The following COL24A1 variants were observed in gnomAD, a reference collection of about 807,000 sequenced individuals.
The protein encoded by COL24A1 is collagen alpha-1(XXIV) chain.
COL24A1 carries 224 observed loss-of-function variants against 253.9 expected under a neutral mutation model. That is an observed-to-expected ratio of 0.88 (90% CI 0.79 to 0.99). The LOEUF is 0.99. Among genes scored for constraint, COL24A1 ranks in the 50% least tolerant of loss-of-function variants. The probability of loss-of-function intolerance (pLI) is 0.00; values close to 1 mark genes in which losing one functional copy is unlikely to be tolerated. For missense variants in COL24A1, 2,131 were observed against 2,068.5 expected, an observed-to-expected ratio of 1.03 and a Z score of -0.59; for synonymous variants, 685 against 673.7, an observed-to-expected ratio of 1.02 and a Z score of -0.26.
At chr1:86,039,978 AGGTTTGGCCCAATTCATGGG>A (rs1396002636) in intron 12 of COL24A1, among the ~76,000 whole-genome samples, 1 of 152,174 alleles carries the variant, frequency 6.6e-6, no homozygotes, top group African/African-American at 2.4e-5. Flanking sequence ...AAACATGAGT[AGGTTTGGCCCAATTCATGGG>A]GGTTTGGCCC....
At chr1:85,762,852 C>T (rs1666977026) in intron 53 of COL24A1, among the ~76,000 whole-genome samples, 1 of 152,126 alleles carries the variant, frequency 6.6e-6, no homozygotes. Context: ...AGGAATTTAT[C>T]ATAGAAAAAT....
Position 85,911,449 on chromosome 1 carries a change from A to T in COL24A1, c.2563-16T>A. On this transcript the variant is annotated splice_polypyrimidine_tract_variant and intron_variant, in intron 24 of 59. Coordinates refer to ENST00000370571, the MANE Select transcript of COL24A1 (RefSeq NM_152890.7). The stretch of plus-strand genomic sequence containing the variant: ...CAACAGGTCCCTTTTAGGAAAAAAA[A>T]ATAACAGAAAATACACACATATTGT... 5.0e-6 allele frequency: 8 copies of T among 1,600,648 alleles called. No homozygotes were observed. The highest frequency in any genetic ancestry group is 6.8e-6 in the Non-Finnish European group (8 of 1,168,554).
intron 47 of COL24A1, among the ~76,000 whole-genome samples, chr1:85,801,379 C>A (rs1438764193): frequency 6.6e-6 from 1 of 152,190 alleles, no homozygotes; most frequent in Non-Finnish European, 1.5e-5. Context: ...CAGTGTGATG[C>A]ACCACTAGGA....
chr1:86,114,710 A>C (rs1705954847), intron 4 of COL24A1, among the ~76,000 whole-genome samples: 1 of 152,258 alleles, frequency 6.6e-6, no homozygotes, highest in Admixed American at 6.5e-5. Flanking sequence ...GAATAAAAAT[A>C]AAGTGGATTA....
chr1:85,762,528 AATT>A (rs1666940943), intron 53 of COL24A1, among the ~76,000 whole-genome samples: 1 of 152,190 alleles, frequency 6.6e-6, no homozygotes, highest in Non-Finnish European at 1.5e-5. Context: ...AATACCAGTT[AATT>A]TTAATACTAG....
chr1:86,013,697 G>T (rs1161772511), intron 19 of COL24A1, among the ~76,000 whole-genome samples: 4 of 152,070 alleles, frequency 2.6e-5, no homozygotes, highest in African/African-American at 4.8e-5. Flanking sequence ...TTAGCCAGGT[G>T]TGGTGGCAGG....
rs189282083 is a variant in COL24A1 at position 85,950,912 on chromosome 1, A to C, written c.2562+10337T>G. The stretch of plus-strand genomic sequence containing the variant: ...GTAGAAGCCAGGTGAGCTGTGACTC[A>C]TTGTGCCTTACCTACCTCCAGCTAT... On this transcript the variant is annotated intron_variant, in intron 24 of 59. Transcript: ENST00000370571. Among the ~76,000 whole-genome samples, 5 of 152,334 alleles carry C rather than the reference A, an allele frequency of 3.3e-5. No homozygotes were observed. The East Asian group carries it at 9.7e-4, about 29-fold the overall frequency.
intron 28 of COL24A1, among the ~76,000 whole-genome samples, chr1:85,897,420 A>G (rs1040929035): frequency 1.8e-4 from 26 of 146,442 alleles, no homozygotes; most frequent in African/African-American, 7.1e-4. Context: ...AAAATTGAAG[A>G]AAAAAAAAGA....
Position 86,146,141 on chromosome 1 carries a change from C to T in COL24A1, c.99G>A (p.Val33=), listed in dbSNP as rs770391368. 6.2e-7 allele frequency: 1 copy of T among 1,610,726 alleles called. No individual in the cohort carries two copies. Among genetic ancestry groups the T allele is most frequent in the South Asian group, 1.1e-5 (1 of 90,342 alleles). The stretch of plus-strand genomic sequence containing the variant: ...TACCTTGTTCTTGTGCATGAACAAC[C>T]ACCCCAGCCACACATAGTACAATAA... The part of the protein sequence containing the change: ...LHFIVLCVAG[V]VVHAQEQGID... The change falls in exon 2 of 60, where the codon GTG becomes GTA. Residue 33 remains valine, a synonymous_variant. Coordinates refer to ENST00000370571, the MANE Select transcript of COL24A1 (RefSeq NM_152890.7).
intron 43 of COL24A1, among the ~76,000 whole-genome samples, chr1:85,830,456 T>C (rs906021623): frequency 3.9e-5 from 6 of 152,118 alleles, no homozygotes; most frequent in Admixed American, 1.3e-4. Context: ...CCACCCAGTT[T>C]GAGCTTCCCG....
chr1:85,795,219 T>C (rs1670683121), intron 47 of COL24A1, among the ~76,000 whole-genome samples: 1 of 152,200 alleles, frequency 6.6e-6, no homozygotes, highest in African/African-American at 2.4e-5. Context: ...GCCTTCATTT[T>C]AGAACTGAAT....
At chr1:85,922,644 T>C (rs1686651816) in intron 24 of COL24A1, among the ~76,000 whole-genome samples, 1 of 152,182 alleles carries the variant, frequency 6.6e-6, no homozygotes, top group Non-Finnish European at 1.5e-5. Context: ...CCACCAGGCC[T>C]GTCTTACAAG....
At chr1:85,904,681 A>C (rs1462615217) in intron 28 of COL24A1, among the ~76,000 whole-genome samples, 4 of 152,126 alleles carry the variant, frequency 2.6e-5, no homozygotes, top group African/African-American at 9.7e-5. Context: ...TGTAAGAATG[A>C]TATTTTTAGT....
intron 37 of COL24A1, among the ~76,000 whole-genome samples, chr1:85,849,969 A>G (rs767388221): frequency 3.1e-4 from 47 of 152,262 alleles, no homozygotes; most frequent in Admixed American, 5.2e-4. Context: ...AAAATCTCAA[A>G]ATCTCACTGG....
At chr1:86,150,810 A>G (rs1165332024) in intron 1 of COL24A1, among the ~76,000 whole-genome samples, 1 of 152,160 alleles carries the variant, frequency 6.6e-6, no homozygotes, top group African/African-American at 2.4e-5. Flanking sequence ...AAACTTATCA[A>G]GTTTCCACAT....
intron 1 of COL24A1, among the ~76,000 whole-genome samples, chr1:86,151,725 G>A (rs1652802258): frequency 6.6e-6 from 1 of 152,112 alleles, no homozygotes; most frequent in African/African-American, 2.4e-5. Context: ...TTGCTTTAGG[G>A]GAATCCGAGG....
intron 24 of COL24A1, 81 bp from the exon 25 acceptor site, chr1:85,911,514 C>T (rs974434786): frequency 9.3e-7 from 1 of 1,077,078 alleles, no homozygotes. Context: ...CACCTGTAAT[C>T]ACTATGTTTC....
intron 7 of COL24A1, among the ~76,000 whole-genome samples, chr1:86,069,075 T>A (rs184899765): frequency 4.2e-4 from 64 of 152,274 alleles, no homozygotes; most frequent in Non-Finnish European, 5.6e-4. Context: ...AGACTCCTTT[T>A]GTTTGAGAAA....
intron 54 of COL24A1, 27 bp downstream of exon 54, chr1:85,761,504 A>C: frequency 6.2e-7 from 1 of 1,614,068 alleles, no homozygotes; most frequent in Non-Finnish European, 8.5e-7. Context: ...ATCAATGGTA[A>C]ACAGATATAA....
Sources: gnomAD v4.1 joint callset for allele counts (sites outside exome capture counted in the v4.1 genomes callset) on GRCh38, gnomAD v4.1.1 for gene constraint, MANE v1.5 for transcripts, NCBI Gene and HGNC (gene_info 2026-07-23, HGNC 2026-07-21) for gene names.